The following SCAPER variants were observed in gnomAD, a reference collection of about 807,000 sequenced individuals.
The protein encoded by SCAPER is S-phase cyclin A associated protein in the ER, also known as S phase cyclin A-associated protein in the endoplasmic reticulum.
SCAPER carries 98 observed loss-of-function variants against 182.2 expected under a neutral mutation model. The observed-to-expected ratio is 0.54, with a 90% CI of 0.46 to 0.64. SCAPER has a LOEUF of 0.64. SCAPER is among the 30% of genes least tolerant of loss of function. The pLI is 0.00. For missense variants in SCAPER, 1,432 were observed against 1,690.0 expected (o/e 0.85, Z 2.68); for synonymous variants, 605 against 564.6 (o/e 1.07, Z -1.01).
At position 76,826,782 on chromosome 15, in the gene SCAPER, T is replaced by C. The variant is rs185623603; in HGVS notation, c.393+14952A>G. 4.3e-4 allele frequency among the ~76,000 whole-genome samples: 65 copies of C among 152,312 alleles called. 1 individual carries two copies. The highest frequency in any genetic ancestry group is 1.5e-3 in the African/African-American group (63 of 41,572). On this transcript the variant is annotated intron_variant, in intron 5 of 31. Coordinates refer to ENST00000563290, the MANE Select transcript of SCAPER (RefSeq NM_020843.4). Reference sequence around the variant, plus strand: ...AAAACAGTGCATGTTGTAATATTCATTAAATGTGGTTGAATAAAATATAAG... The same window carrying C: ...AAAACAGTGCATGTTGTAATATTCACTAAATGTGGTTGAATAAAATATAAG...
At chr15:76,840,951 T>C (rs997627541) in intron 5 of SCAPER, among the ~76,000 whole-genome samples, 11 of 152,306 alleles carry the variant, frequency 7.2e-5, no homozygotes, top group African/African-American at 2.6e-4. Context: ...CAATCTCACT[T>C]TTCCCTGACC....
chr15:76,352,553 C>T (rs1416250963), intron 30 of SCAPER, among the ~76,000 whole-genome samples: 1 of 149,654 alleles, frequency 6.7e-6, no homozygotes, highest in African/African-American at 2.5e-5. Context: ...ATGATCTTGG[C>T]TCACTGCAAC....
intron 30 of SCAPER, among the ~76,000 whole-genome samples, chr15:76,352,404 A>G (rs946017393): frequency 1.3e-5 from 2 of 152,098 alleles, no homozygotes; most frequent in Non-Finnish European, 2.9e-5. Context: ...ACACTCAAAA[A>G]TTACCTGTTC....
At chr15:76,629,842 C>G (rs1358010809) in intron 21 of SCAPER, among the ~76,000 whole-genome samples, 1 of 152,140 alleles carries the variant, frequency 6.6e-6, no homozygotes, top group Non-Finnish European at 1.5e-5. Flanking sequence ...AGTACCAGCT[C>G]TTCTTTGAAC....
At position 76,651,449 on chromosome 15, in the gene SCAPER, C is replaced by T. The variant is rs754840399; in HGVS notation, c.2645+14204G>A. On this transcript the variant is annotated intron_variant, in intron 21 of 31. Transcript: ENST00000563290. ...GCTCTGGCTAGGACTTCTAGTACTG[C>T]GTGGAATAGGAGTAGTGAGAGTGAG... is the stretch of plus-strand genomic sequence containing the variant. 7.3e-5 allele frequency among the ~76,000 whole-genome samples: 11 copies of T among 151,120 alleles called. 1 individual carries two copies. Among genetic ancestry groups the T allele is most frequent in the East Asian group, 1.9e-4 (1 of 5,148 alleles).
chr15:76,420,616 T>C (rs1039175743), intron 26 of SCAPER, among the ~76,000 whole-genome samples: 4 of 152,202 alleles, frequency 2.6e-5, no homozygotes, highest in African/African-American at 9.7e-5. Context: ...TTGTTAACTA[T>C]AAGAAGACTT....
At chr15:76,805,103 G>GT (rs907921298) in intron 5 of SCAPER, among the ~76,000 whole-genome samples, 59 of 152,154 alleles carry the variant, frequency 3.9e-4, no homozygotes, top group African/African-American at 1.4e-3. Context: ...CTGGTAGCGT[G>GT]TATCAGTACT....
At chr15:76,473,887 C>G (rs1309917560) in intron 24 of SCAPER, among the ~76,000 whole-genome samples, 1 of 152,144 alleles carries the variant, frequency 6.6e-6, no homozygotes, top group Non-Finnish European at 1.5e-5. Flanking sequence ...ACTGCAACCT[C>G]TGACTCCTGG....
chr15:76,718,651 AAAAAAACAAAAAC>A (rs1228797482), intron 17 of SCAPER, among the ~76,000 whole-genome samples: 3 of 151,944 alleles, frequency 2.0e-5, no homozygotes, highest in Non-Finnish European at 4.4e-5. Context: ...AAAAAGGAAA[AAAAAAACAAAAAC>A]AAAAAACAAG....
At chr15:76,541,127 G>GAA (rs939463776) in intron 23 of SCAPER, among the ~76,000 whole-genome samples, 7 of 142,256 alleles carry the variant, frequency 4.9e-5, no homozygotes, top group Non-Finnish European at 9.3e-5. Context: ...CTCAAAAAAA[G>GAA]AAAAAAAAAA....
intron 10 of SCAPER, among the ~76,000 whole-genome samples, chr15:76,768,348 T>C (rs1434690725): frequency 6.6e-6 from 1 of 152,206 alleles, no homozygotes; most frequent in Non-Finnish European, 1.5e-5. Flanking sequence ...ATTCATTCAG[T>C]GGACTATACT....
intron 23 of SCAPER, among the ~76,000 whole-genome samples, chr15:76,535,186 TTCATGCCCATGACACATTA>T (rs2044025335): frequency 6.6e-6 from 1 of 152,104 alleles, no homozygotes; most frequent in African/African-American, 2.4e-5. Flanking sequence ...ATGACACAAT[TTCATGCCCATGACACATTA>T]TCATCCTCTG....
intron 21 of SCAPER, among the ~76,000 whole-genome samples, chr15:76,664,948 TG>T (rs1485626595): frequency 6.6e-6 from 1 of 152,176 alleles, no homozygotes; most frequent in Non-Finnish European, 1.5e-5. Flanking sequence ...TATAATCCCA[TG>T]GGTCAAGCTT....
chr15:76,743,686 T>C (rs2061659003), intron 15 of SCAPER, among the ~76,000 whole-genome samples: 1 of 152,102 alleles, frequency 6.6e-6, no homozygotes, highest in African/African-American at 2.4e-5. Context: ...GTGCATGTAT[T>C]AGAAGAATCA....
At chr15:76,808,610 C>T (rs905872938) in intron 5 of SCAPER, among the ~76,000 whole-genome samples, 22 of 152,218 alleles carry the variant, frequency 1.4e-4, no homozygotes, top group East Asian at 1.3e-3. Flanking sequence ...ACTGACTACA[C>T]ACCTAATGTC....
At chr15:76,410,445 G>A (rs909745786) in intron 26 of SCAPER, among the ~76,000 whole-genome samples, 1 of 152,188 alleles carries the variant, frequency 6.6e-6, no homozygotes, top group Non-Finnish European at 1.5e-5. Flanking sequence ...TATAGCAGAA[G>A]TGCCAAATTT....
At chr15:76,775,403 T>C (rs12905472) in intron 8 of SCAPER, among the ~76,000 whole-genome samples, 1 of 152,164 alleles carries the variant, frequency 6.6e-6, no homozygotes, top group Non-Finnish European at 1.5e-5. Context: ...GTGAGTACTG[T>C]TTTAAGTGCT....
intron 23 of SCAPER, among the ~76,000 whole-genome samples, chr15:76,564,585 T>C (rs964957604): frequency 1.3e-4 from 20 of 152,280 alleles, no homozygotes; most frequent in African/African-American, 4.3e-4. Context: ...ATGGCCACAC[T>C]GCCCAAAGCA....
At chr15:76,855,590 A>G (rs1206396694) in intron 4 of SCAPER, among the ~76,000 whole-genome samples, 1 of 152,046 alleles carries the variant, frequency 6.6e-6, no homozygotes, top group African/African-American at 2.4e-5. Context: ...AAAACAAACA[A>G]CCCCATTAAA....
Sources: allele counts gnomAD v4.1 joint callset (sites outside exome capture counted in the v4.1 genomes callset), GRCh38; gene constraint gnomAD v4.1.1; transcripts MANE v1.5; gene names NCBI Gene and HGNC (gene_info 2026-07-23, HGNC 2026-07-21).